Variants in MED1 observed in about 807,000 individuals in gnomAD.
The protein encoded by MED1 is mediator complex subunit 1, also known as mediator of RNA polymerase II transcription subunit 1.
MED1 carries 17 observed loss-of-function variants against 121.3 expected under a neutral mutation model. That is an observed-to-expected ratio of 0.14 (90% CI 0.10 to 0.21). The LOEUF is 0.21. MED1 is among the 10% of genes least tolerant of loss of function. The pLI is 1.00. For missense variants in MED1, 1,558 were observed against 1,919.4 expected (o/e 0.81, Z 3.52); for synonymous variants, 661 against 694.4 (o/e 0.95, Z 0.76).
Position 39,407,596 on chromosome 17 carries a change from T to C in MED1, c.4625A>G (p.Gln1542Arg), listed in dbSNP as rs569599361. ...SWSKSPISSD[Q>R]SLSMTSNTIL... Reference sequence around the variant, plus strand: ...TGTGTTACTTGTCATAGACAAGGACTGGTCTGAAGAGATGGGTGATTTGGA... The same window carrying C: ...TGTGTTACTTGTCATAGACAAGGACCGGTCTGAAGAGATGGGTGATTTGGA... The change falls in exon 17 of 17, where the codon CAG becomes CGG. Residue 1542 changes from glutamine (Q) to arginine (R), a missense_variant. Around this residue, in one of 5 missense-constraint regions of MED1, gnomAD observed 264 missense variants for 326.1 expected, o/e 0.81. Coordinates refer to ENST00000300651, the MANE Select transcript of MED1 (RefSeq NM_004774.4). 8 of 1,614,188 alleles carry C rather than the reference T, an allele frequency of 5.0e-6. 1 individual carries two copies. The South Asian group carries it at 7.7e-5, about 16-fold the overall frequency.
intron 13 of MED1, among the ~76,000 whole-genome samples, chr17:39,420,628 C>G (rs1165351327): frequency 6.6e-6 from 1 of 151,232 alleles, no homozygotes; most frequent in Admixed American, 6.6e-5. Context: ...GGAACGTTCC[C>G]TTATTATTAT....
Position 39,419,457 on chromosome 17 carries a change from G to A in MED1, c.1297+260C>T, listed in dbSNP as rs182224239. Among the ~76,000 whole-genome samples the A allele has an allele frequency of 2.6e-5, 4 of 151,372 alleles. No homozygotes were observed. In the East Asian group the frequency reaches 7.8e-4, roughly 29 times the overall value. On this transcript the variant is annotated intron_variant, in intron 14 of 16. Transcript: ENST00000300651. ...GAGTCTTGCTCTGTCACCCAGGCTGGAGTGCAATGGCATGATCTAAGCTCA... is the reference window on the plus strand; with the variant it reads ...GAGTCTTGCTCTGTCACCCAGGCTGAAGTGCAATGGCATGATCTAAGCTCA...
chr17:39,414,898 G>C, intron 16 of MED1, 128 bp downstream of exon 16: 2 of 755,526 alleles, frequency 2.6e-6, no homozygotes, highest in South Asian at 3.0e-5. Context: ...TCAATCTTCT[G>C]ACCTCGTGAT....
At chr17:39,443,806 A>G (rs1311885008) in intron 2 of MED1, among the ~76,000 whole-genome samples, 178 bp from the exon 3 acceptor site, 1 of 65,068 alleles carries the variant, frequency 1.5e-5, no homozygotes, top group Non-Finnish European at 3.9e-5. Context: ...CTGTCCATCC[A>G]TGCAAAATCC....
At position 39,432,740 on chromosome 17, in the gene MED1, G is replaced by A. The variant is rs143188625; in HGVS notation, c.501-724C>T. On this transcript the variant is annotated intron_variant, in intron 7 of 16. Coordinates refer to ENST00000300651, the MANE Select transcript of MED1 (RefSeq NM_004774.4). ...TTGCATTCCAGCCTGGTGGCAGAGC[G>A]AGACTCTGTCTCCAAAAAAAAACAA... Among the ~76,000 whole-genome samples, 1,382 of 145,868 alleles carry A rather than the reference G, an allele frequency of 9.5e-3. 19 individuals are homozygous for A. The highest frequency in any genetic ancestry group is 0.033 in the African/African-American group (1,303 of 39,218).
At position 39,415,291 on chromosome 17, in the gene MED1, C is replaced by A; in HGVS notation, c.1346G>T (p.Arg449Leu). Reference protein sequence around the residue: ...QFEVCPLSESRFSVSFQHPVN... With the variant: ...QFEVCPLSESLFSVSFQHPVN... ...AGGGTGCTGAAAAGATACGCTGAAA[C>A]GAGACTCTGAGAGAGGACACACTTC... The change falls in exon 15 of 17, where the codon CGT becomes CTT. Residue 449 changes from arginine to leucine, a missense_variant. This residue lies in a region of MED1 where 443 missense variants were observed against 532.4 expected (regional missense o/e 0.83). Coordinates refer to ENST00000300651, the MANE Select transcript of MED1 (RefSeq NM_004774.4). 5 of 1,613,934 alleles carry A rather than the reference C, an allele frequency of 3.1e-6. No individual in the cohort carries two copies. Among genetic ancestry groups the A allele is most frequent in the Non-Finnish European group, 4.2e-6 (5 of 1,179,864 alleles).
In MED1 at chr17:39,406,976, C is replaced by T. The variant is rs2048308341; in HGVS notation, c.*499G>A. 4.1e-6 allele frequency: 4 copies of T among 986,406 alleles called. No homozygotes were observed. Among genetic ancestry groups the T allele is most frequent in the Non-Finnish European group, 4.8e-6 (4 of 830,368 alleles). The allele number at this position is 986,406 out of a possible 1,614,324, so 61.1% of individuals were successfully genotyped here. A position where few individuals can be genotyped will look rare whatever the true frequency, so the allele number is the denominator to read the frequency against. On this transcript the variant is annotated 3_prime_UTR_variant, in exon 17 of 17. Transcript: ENST00000300651. Reference sequence around the variant, plus strand: ...TTAAGTGTCCAAAATGACCAAAGTCCTTCATTTGCCCATGACTCAAACGGA... The same window carrying T: ...TTAAGTGTCCAAAATGACCAAAGTCTTTCATTTGCCCATGACTCAAACGGA...
chr17:39,423,588 G>A (rs2048487298), intron 12 of MED1, 109 bp downstream of exon 12: 3 of 1,501,394 alleles, frequency 2.0e-6, no homozygotes, highest in Non-Finnish European at 2.8e-6. Flanking sequence ...ATCTTTACCA[G>A]TAATACTTCA....
chr17:39,444,904 C>G (rs1421844506), intron 2 of MED1, among the ~76,000 whole-genome samples: 1 of 151,738 alleles, frequency 6.6e-6, no homozygotes, highest in Non-Finnish European at 1.5e-5. Flanking sequence ...CAAAAAAAAA[C>G]TTAGCCTAGT....
chr17:39,437,394 C>T (rs946288490), intron 6 of MED1, among the ~76,000 whole-genome samples: 2 of 152,056 alleles, frequency 1.3e-5, no homozygotes, highest in African/African-American at 2.4e-5. Context: ...AATTCCTAAA[C>T]CTAGATCACC....
At chr17:39,427,570 T>G (rs1424840539) in intron 10 of MED1, 131 bp downstream of exon 10, 18 of 617,822 alleles carry the variant, frequency 2.9e-5, no homozygotes, top group Middle Eastern at 3.5e-4. Flanking sequence ...CACATATACG[T>G]GTGTGAGGTG....
chr17:39,425,694 C>T (rs2048508081), intron 10 of MED1, among the ~76,000 whole-genome samples: 3 of 151,774 alleles, frequency 2.0e-5, no homozygotes, highest in African/African-American at 7.3e-5. Context: ...CCCAGCTACT[C>T]AGGAGGCTGA....
At chr17:39,442,222 T>C (rs2048682333) in intron 3 of MED1, among the ~76,000 whole-genome samples, 3 of 152,138 alleles carry the variant, frequency 2.0e-5, no homozygotes, top group Admixed American at 2.0e-4. Flanking sequence ...GCATGAATAA[T>C]CAAGCTCATG....
chr17:39,434,394 G>T (rs1239698805), intron 6 of MED1, 74 bp from the exon 7 acceptor site: 2 of 767,574 alleles, frequency 2.6e-6, no homozygotes, highest in Non-Finnish European at 4.2e-6. Flanking sequence ...TTACAACAAA[G>T]TGCCAAAAAT....
intron 14 of MED1, 85 bp from the exon 15 acceptor site, chr17:39,415,424 A>G: frequency 2.4e-6 from 3 of 1,243,808 alleles, no homozygotes; most frequent in South Asian, 2.7e-5. Flanking sequence ...CTGTAATCCC[A>G]GCAGTTTGGG....
In MED1 at chr17:39,410,183, T is replaced by C. The variant is rs777527198; in HGVS notation, c.2038A>G (p.Ile680Val). ...NSSSGSPRME[I>V]CSGSNKTKKK... ...TTGGTCTTGTTGCTCCCCGAGCATA[T>C]TTCCATGCGGGGTGAGCCGGAAGAG... The change falls in exon 17 of 17, where the codon ATA becomes GTA. Residue 680 changes from isoleucine (I) to valine (V), a missense_variant. Transcript: ENST00000300651. 10 of 1,614,048 alleles carry C rather than the reference T, an allele frequency of 6.2e-6. No individual in the cohort carries two copies. In the East Asian group the frequency reaches 8.9e-5, roughly 14 times the overall value.
chr17:39,426,837 T>C (rs1389239044), intron 10 of MED1, among the ~76,000 whole-genome samples: 2 of 152,040 alleles, frequency 1.3e-5, no homozygotes, highest in African/African-American at 4.8e-5. Context: ...CCCGGCAGTC[T>C]ATCTCTCTTT....
Position 39,420,286 on chromosome 17 carries a change from G to A in MED1, c.1096-368C>T, listed in dbSNP as rs965176178. 7.1e-4 allele frequency among the ~76,000 whole-genome samples: 103 copies of A among 144,252 alleles called. 1 individual carries two copies. Among genetic ancestry groups the A allele is most frequent in the Admixed American group, 1.6e-3 (22 of 13,558 alleles). 94.6% of individuals were successfully genotyped at this position (144,252 alleles called of 152,430 possible). A position where few individuals can be genotyped will look rare whatever the true frequency, so the allele number is the denominator to read the frequency against. On this transcript the variant is annotated intron_variant, in intron 13 of 16. Transcript: ENST00000300651. ...GCGATCTCGGCTCACTGCAAGCTCC[G>A]CCTCCCGAGTTCATGCCATTCTCCT...
intron 16 of MED1, among the ~76,000 whole-genome samples, chr17:39,412,533 CTTTTT>C (rs1170139893): frequency 9.8e-6 from 1 of 102,290 alleles, no homozygotes; most frequent in Non-Finnish European, 2.1e-5. Context: ...GCAAATTTTT[CTTTTT>C]TTTTTTTTTT....
Sources: allele counts gnomAD v4.1 joint callset (sites outside exome capture counted in the v4.1 genomes callset), GRCh38; gene constraint gnomAD v4.1.1; regional missense constraint gnomAD v4.1.1; transcripts MANE v1.5; gene names NCBI Gene and HGNC (gene_info 2026-07-23, HGNC 2026-07-21).